Variants in IFT25 observed in about 807,000 individuals in gnomAD.
The protein encoded by IFT25 is intraflagellar transport protein 25 homolog.
At chr1:53,923,300 T>C in the IFT25 span, among the ~76,000 whole-genome samples, 3 of 152,048 alleles carry the variant, frequency 2.0e-5, no homozygotes, top group East Asian at 1.9e-4. Flanking sequence ...GACCACCTAA[T>C]AGATATTCAG....
the IFT25 span, among the ~76,000 whole-genome samples, chr1:53,916,162 G>A: frequency 6.9e-6 from 1 of 143,892 alleles, no homozygotes; most frequent in Admixed American, 6.9e-5. Context: ...TCCAGCCTGG[G>A]CAACAGACCT....
At chr1:53,917,097 T>A in the IFT25 span, 3 of 184,500 alleles carry the variant, frequency 1.6e-5, no homozygotes, top group African/African-American at 7.2e-5. Context: ...TGAGCCAAGA[T>A]AGCGCCATCC....
At chr1:53,938,439 A>G in the IFT25 span, among the ~76,000 whole-genome samples, 1 of 152,214 alleles carries the variant, frequency 6.6e-6, no homozygotes, top group Non-Finnish European at 1.5e-5. Context: ...GAGCCCAGCA[A>G]AGAGATAAAC....
the IFT25 span, among the ~76,000 whole-genome samples, chr1:53,920,906 C>CCT: frequency 6.6e-6 from 1 of 152,248 alleles, no homozygotes; most frequent in Non-Finnish European, 1.5e-5. Flanking sequence ...GGTGCGGTGG[C>CCT]TCATGCCTGT....
chr1:53,923,575 CT>C, the IFT25 span: 1 of 236,898 alleles, frequency 4.2e-6, no homozygotes, highest in Non-Finnish European at 8.1e-6. Flanking sequence ...CATCGCGACC[CT>C]TTTTTCATTC....
the IFT25 span, among the ~76,000 whole-genome samples, chr1:53,933,654 T>C: frequency 1.3e-5 from 2 of 152,244 alleles, no homozygotes; most frequent in African/African-American, 4.8e-5. Context: ...TATTTGGGTC[T>C]TGGATTTTTA....
At chr1:53,930,070 C>A in the IFT25 span, 1 of 1,573,498 alleles carries the variant, frequency 6.4e-7, no homozygotes, top group Non-Finnish European at 8.6e-7. Flanking sequence ...GCCTTTCAAT[C>A]CTTACATGTT....
chr1:53,932,079 T>C, the IFT25 span, among the ~76,000 whole-genome samples: 1 of 152,220 alleles, frequency 6.6e-6, no homozygotes, highest in African/African-American at 2.4e-5. Context: ...AGGCCAGGCA[T>C]GGTGGCTCAC....
the IFT25 span, among the ~76,000 whole-genome samples, chr1:53,912,858 G>A: frequency 5.9e-5 from 9 of 152,230 alleles, no homozygotes; most frequent in Non-Finnish European, 1.0e-4. Flanking sequence ...CAGAGTTTAC[G>A]ATTCGACAGA....
the IFT25 span, among the ~76,000 whole-genome samples, chr1:53,918,241 AAAGTAT>A: frequency 2.0e-5 from 3 of 152,244 alleles, no homozygotes; most frequent in Admixed American, 6.5e-5. Context: ...CAAATACTTT[AAAGTAT>A]ATCAGTGACA....
chr1:53,912,393 A>C, the IFT25 span, among the ~76,000 whole-genome samples: 1 of 152,204 alleles, frequency 6.6e-6, no homozygotes. Flanking sequence ...TGGACGAGGA[A>C]GAGCTGTTGT....
the IFT25 span, among the ~76,000 whole-genome samples, chr1:53,921,344 A>G: frequency 6.6e-6 from 1 of 152,194 alleles, no homozygotes; most frequent in African/African-American, 2.4e-5. Flanking sequence ...CAATTAAAAA[A>G]TTAATGCACT....
chr1:53,931,749 T>G, the IFT25 span, among the ~76,000 whole-genome samples: 1 of 152,328 alleles, frequency 6.6e-6, no homozygotes, highest in South Asian at 2.1e-4. Context: ...ATTTCTTGGC[T>G]AATCTTGTTA....
At chr1:53,921,562 T>C in the IFT25 span, 1 of 793,804 alleles carries the variant, frequency 1.3e-6, no homozygotes, top group Non-Finnish European at 2.1e-6. Flanking sequence ...TGAAACAAAT[T>C]GATAAAAATC....
chr1:53,911,619 G>A, the IFT25 span, among the ~76,000 whole-genome samples: 1 of 152,138 alleles, frequency 6.6e-6, no homozygotes, highest in Admixed American at 6.6e-5. Flanking sequence ...ATCTCAAAGA[G>A]GAGATGATTA....
the IFT25 span, among the ~76,000 whole-genome samples, chr1:53,941,664 T>C: frequency 1.2e-4 from 18 of 152,332 alleles, no homozygotes; most frequent in African/African-American, 4.3e-4. Flanking sequence ...ATTCTGTAAA[T>C]ACAGATTGAT....
the IFT25 span, chr1:53,921,810 A>T: frequency 1.7e-6 from 2 of 1,202,130 alleles, no homozygotes; most frequent in Non-Finnish European, 2.5e-6. Context: ...TAGCAGTGCT[A>T]GTTAACTGTT....
At chr1:53,915,620 C>T in the IFT25 span, among the ~76,000 whole-genome samples, 7 of 152,046 alleles carry the variant, frequency 4.6e-5, no homozygotes, top group Non-Finnish European at 7.4e-5. Flanking sequence ...GTTTGTCTTG[C>T]GAGGGTAAGG....
At chr1:53,914,186 T>C in the IFT25 span, among the ~76,000 whole-genome samples, 4 of 152,122 alleles carry the variant, frequency 2.6e-5, no homozygotes, top group African/African-American at 7.2e-5. Context: ...CAAGGGACTG[T>C]TGGATAAGCC....
Sources: gnomAD v4.1 joint callset for allele counts (sites outside exome capture counted in the v4.1 genomes callset) on GRCh38, gnomAD v4.1.1 for gene constraint, MANE v1.5 for transcripts, NCBI Gene and HGNC (gene_info 2026-07-23, HGNC 2026-07-21) for gene names.